Variants in ELAPOR2 observed in about 807,000 individuals in gnomAD.
The protein encoded by ELAPOR2 is endosome-lysosome associated apoptosis and autophagy regulator family member 2.
Under a neutral mutation model 120.7 loss-of-function variants are expected in ELAPOR2, and 89 were observed. That is an observed-to-expected ratio of 0.74 (90% confidence interval 0.62 to 0.88). The LOEUF is 0.88. ELAPOR2 is among the 40% of genes least tolerant of loss of function. ELAPOR2 has a pLI of 0.00. For synonymous variants in ELAPOR2, 444 were observed against 444.9 expected (o/e 1.00, Z 0.03); for missense variants, 1,134 against 1,251.6 (o/e 0.91, Z 1.42).
rs995064864 is a variant in ELAPOR2, at chr7:86,911,679, T to C, written c.2169+393A>G. ...CTTTTTATTTTGGACAAGCTTCCTC[T>C]TGAAAGTCTTTTTCTTCTTAAAACA... On this transcript the variant is annotated intron_variant, in intron 15 of 21. Coordinates refer to ENST00000450689, the MANE Select transcript of ELAPOR2 (RefSeq NM_001142749.3). 5.2e-5 allele frequency: 24 copies of C among 459,020 alleles called. No individual in the cohort carries two copies. The Middle Eastern group carries it at 1.3e-3, about 25-fold the overall frequency. 28.4% of individuals were successfully genotyped at this position (459,020 alleles called of 1,614,324 possible).
intron 1 of ELAPOR2, among the ~76,000 whole-genome samples, chr7:87,036,090 T>C (rs1794579133): frequency 1.3e-5 from 2 of 152,260 alleles, no homozygotes; most frequent in Admixed American, 1.3e-4. Context: ...AATCTTAGTA[T>C]ACATTTGTTC....
intron 1 of ELAPOR2, among the ~76,000 whole-genome samples, chr7:87,026,448 G>A (rs943579615): frequency 1.3e-5 from 2 of 149,424 alleles, no homozygotes; most frequent in Non-Finnish European, 3.0e-5. Context: ...ACAAAGTTAG[G>A]AATTAAAAAA....
chr7:86,911,762 G>A, intron 15 of ELAPOR2: 1 of 516,286 alleles, frequency 1.9e-6, no homozygotes, highest in Non-Finnish European at 3.7e-6. Context: ...TGCCTAAAGA[G>A]GTAAGATTGA....
At chr7:87,056,006 T>C (rs1444298402) in intron 1 of ELAPOR2, among the ~76,000 whole-genome samples, 1 of 152,228 alleles carries the variant, frequency 6.6e-6, no homozygotes, top group Non-Finnish European at 1.5e-5. Context: ...TTCTTTTTAC[T>C]CTCATGTACT....
intron 1 of ELAPOR2, among the ~76,000 whole-genome samples, chr7:86,988,259 A>ATGGG (rs1341668275): frequency 6.6e-6 from 1 of 152,194 alleles, no homozygotes; most frequent in Non-Finnish European, 1.5e-5. Context: ...TGATGGGTTG[A>ATGGG]TGGGTGTAGC....
intron 13 of ELAPOR2, 73 bp downstream of exon 13, chr7:86,914,650 A>C (rs1036394668): frequency 1.6e-6 from 2 of 1,273,614 alleles, no homozygotes; most frequent in East Asian, 5.0e-5. Flanking sequence ...TTGAGTTATC[A>C]CTTTGTATGC....
intron 2 of ELAPOR2, among the ~76,000 whole-genome samples, chr7:86,956,457 G>A (rs1414251238): frequency 2.0e-5 from 3 of 152,054 alleles, no homozygotes; most frequent in African/African-American, 7.2e-5. Context: ...TTTCCAGTGG[G>A]TCTTCACATA....
intron 1 of ELAPOR2, among the ~76,000 whole-genome samples, chr7:86,978,750 C>T (rs1467032004): frequency 1.3e-5 from 2 of 152,204 alleles, no homozygotes; most frequent in Non-Finnish European, 2.9e-5. Context: ...TAATGCCTTA[C>T]ACCTCTTTAT....
At chr7:86,904,322 C>T (rs745605544) in intron 18 of ELAPOR2, among the ~76,000 whole-genome samples, 1 of 152,112 alleles carries the variant, frequency 6.6e-6, no homozygotes, top group Non-Finnish European at 1.5e-5. Flanking sequence ...AAAAGGAGAG[C>T]CTTCAGTTCC....
At chr7:86,883,713 G>C (rs1799544947) in intron 21 of ELAPOR2, among the ~76,000 whole-genome samples, 1 of 152,130 alleles carries the variant, frequency 6.6e-6, no homozygotes, top group Non-Finnish European at 1.5e-5. Flanking sequence ...GGTTTAAAAA[G>C]ATCATTACAG....
At chr7:87,029,449 G>A (rs578161929) in intron 1 of ELAPOR2, among the ~76,000 whole-genome samples, 2 of 152,292 alleles carry the variant, frequency 1.3e-5, no homozygotes, top group South Asian at 4.1e-4. Flanking sequence ...GCCAGATTGA[G>A]AGCTACTTCA....
At chr7:86,993,379 T>C (rs1793018046) in intron 1 of ELAPOR2, among the ~76,000 whole-genome samples, 1 of 152,070 alleles carries the variant, frequency 6.6e-6, no homozygotes, top group Non-Finnish European at 1.5e-5. Context: ...ACTAGGAATA[T>C]GACAGTGAAT....
At chr7:87,018,603 T>C (rs11984243) in intron 1 of ELAPOR2, among the ~76,000 whole-genome samples, 2,575 of 152,286 alleles carry the variant, frequency 0.017, 73 homozygotes, top group African/African-American at 0.058. Context: ...TAATACTTAT[T>C]TGATGAATGA....
intron 7 of ELAPOR2, 144 bp from the exon 8 acceptor site, chr7:86,938,358 A>G (rs1233843451): frequency 1.7e-6 from 1 of 598,764 alleles, no homozygotes; most frequent in Non-Finnish European, 3.0e-6. Flanking sequence ...AGGTCTAAAG[A>G]AAATAAATGC....
chr7:86,963,075 C>G (rs1791778598), intron 2 of ELAPOR2, among the ~76,000 whole-genome samples: 1 of 152,046 alleles, frequency 6.6e-6, no homozygotes, highest in Non-Finnish European at 1.5e-5. Flanking sequence ...AGACTTCAGA[C>G]AAAACACAAA....
In ELAPOR2 at chr7:86,878,398, A is replaced by T. The variant is rs983057986; in HGVS notation, c.*2073T>A. On this transcript the variant is annotated 3_prime_UTR_variant, in exon 22 of 22. Transcript: ENST00000450689. ...TATTTAATATCTAAAATTAGAAATAAAATAAATTCTCCAATATCAACTACA... is the reference window on the plus strand; with the variant it reads ...TATTTAATATCTAAAATTAGAAATATAATAAATTCTCCAATATCAACTACA... 17 of 152,234 alleles carry T rather than the reference A, an allele frequency of 1.1e-4. No homozygotes were observed. The highest frequency in any genetic ancestry group is 2.4e-4 in the Non-Finnish European group (16 of 68,036). 9.4% of individuals were successfully genotyped at this position (152,234 alleles called of 1,614,324 possible).
chr7:86,910,110 G>A (rs1789228250), intron 15 of ELAPOR2, 109 bp from the exon 16 acceptor site: 4 of 796,654 alleles, frequency 5.0e-6, no homozygotes, highest in African/African-American at 1.8e-5. Context: ...CTCACTGCAA[G>A]GATTCTGATT....
chr7:86,999,161 GA>G (rs1010704698), intron 1 of ELAPOR2, among the ~76,000 whole-genome samples: 2 of 149,724 alleles, frequency 1.3e-5, no homozygotes, highest in African/African-American at 4.9e-5. Flanking sequence ...ATGAAAAAAA[GA>G]AAAAAAAAGA....
chr7:86,931,026 A>G (rs527992319), intron 8 of ELAPOR2, among the ~76,000 whole-genome samples: 1 of 152,028 alleles, frequency 6.6e-6, no homozygotes, highest in Admixed American at 6.6e-5. Context: ...ACTGAAAAAC[A>G]TGAAGGGGAT....
Sources: gnomAD v4.1 joint callset for allele counts (sites outside exome capture counted in the v4.1 genomes callset) on GRCh38, gnomAD v4.1.1 for gene constraint, MANE v1.5 for transcripts, NCBI Gene and HGNC (gene_info 2026-07-23, HGNC 2026-07-21) for gene names.